The following SGK3 variants were observed in gnomAD, a reference collection of about 807,000 sequenced individuals.
SGK3 encodes the protein serine/threonine-protein kinase Sgk3.
In SGK3, 47 loss-of-function variants were observed where a neutral mutation model predicts 68.5. The ratio of observed to expected loss-of-function variants is 0.69; its 90% CI spans 0.54 to 0.87. The LOEUF is 0.87. Among genes scored for constraint, SGK3 ranks in the 40% least tolerant of loss-of-function variants. SGK3 has a pLI of 0.00. For missense variants in SGK3, 479 were observed against 575.5 expected, an observed-to-expected ratio of 0.83 and a Z score of 1.72; for synonymous variants, 181 against 189.1, an observed-to-expected ratio of 0.96 and a Z score of 0.35.
intron 14 of SGK3, among the ~76,000 whole-genome samples, chr8:66,844,654 G>A (rs916879542): frequency 2.6e-5 from 4 of 152,182 alleles, no homozygotes; most frequent in African/African-American, 4.8e-5. Flanking sequence ...GGAACCATGT[G>A]CGAATCCCTG....
intron 4 of SGK3, among the ~76,000 whole-genome samples, chr8:66,812,363 C>T (rs1808412190): frequency 1.3e-5 from 2 of 151,816 alleles, no homozygotes. Flanking sequence ...TCAAGACCAG[C>T]CTGGCTAACA....
At chr8:66,771,706 T>C (rs555676709) in intron 1 of SGK3, among the ~76,000 whole-genome samples, 2 of 152,324 alleles carry the variant, frequency 1.3e-5, no homozygotes, top group African/African-American at 4.8e-5. Context: ...ACCAGTATTT[T>C]AGTATTTAGC....
chr8:66,745,728 T>A (rs1352125961), intron 1 of SGK3, among the ~76,000 whole-genome samples: 2 of 152,180 alleles, frequency 1.3e-5, no homozygotes, highest in Admixed American at 6.5e-5. Flanking sequence ...TTTCTCACAG[T>A]TCTGGAGGCT....
chr8:66,731,218 A>G (rs1439297865), intron 1 of SGK3, among the ~76,000 whole-genome samples: 1 of 152,116 alleles, frequency 6.6e-6, no homozygotes, highest in Non-Finnish European at 1.5e-5. Flanking sequence ...ATCTTGGAGA[A>G]TGTTTCATGT....
At chr8:66,833,244 G>T (rs531141102) in intron 8 of SGK3, among the ~76,000 whole-genome samples, 1 of 152,258 alleles carries the variant, frequency 6.6e-6, no homozygotes, top group African/African-American at 2.4e-5. Flanking sequence ...GACCTCAAGT[G>T]ATCTGCCTGC....
At chr8:66,834,911 G>T (rs942934821) in intron 8 of SGK3, among the ~76,000 whole-genome samples, 12 of 147,676 alleles carry the variant, frequency 8.1e-5, no homozygotes, top group Non-Finnish European at 1.3e-4. Flanking sequence ...CTGCACTCCA[G>T]CCTGGGCGAC....
rs560794837 is a variant in SGK3, at chr8:66,726,801, T to TAAA, written c.-122+13988_-122+13990dup. ...GAATGACAGAGCAAGACCCTGTCTG[T>TAAA]AAAAAAAAAAAAAAAAAAAAAAGAT... On this transcript the variant is annotated intron_variant, in intron 1 of 16. Transcript: ENST00000521198. 1.4e-3 allele frequency among the ~76,000 whole-genome samples: 111 copies of TAAA among 80,958 alleles called. 2 individuals carry two copies. Among genetic ancestry groups the TAAA allele is most frequent in the Middle Eastern group, 0.013 (2 of 158 alleles). 53.1% of individuals were successfully genotyped at this position (80,958 alleles called of 152,430 possible).
intron 1 of SGK3, among the ~76,000 whole-genome samples, chr8:66,714,014 C>T (rs1465840969): frequency 6.6e-6 from 1 of 152,196 alleles, no homozygotes; most frequent in Admixed American, 6.6e-5. Flanking sequence ...AACATGGTCT[C>T]TTTCAACTGC....
chr8:66,793,931 C>G, intron 2 of SGK3, 99 bp downstream of exon 2: 1 of 1,192,632 alleles, frequency 8.4e-7, no homozygotes, highest in Non-Finnish European at 1.2e-6. Context: ...CCTTCCCCAT[C>G]TCCACATACC....
intron 8 of SGK3, among the ~76,000 whole-genome samples, chr8:66,831,790 T>C (rs1318947807): frequency 6.6e-6 from 1 of 152,216 alleles, no homozygotes; most frequent in African/African-American, 2.4e-5. Flanking sequence ...AGAAAAGGCA[T>C]CTACTCAAAT....
At chr8:66,843,602 G>A (rs1809881944) in intron 14 of SGK3, 55 bp downstream of exon 14, 2 of 1,543,714 alleles carry the variant, frequency 1.3e-6, no homozygotes, top group South Asian at 1.1e-5. Flanking sequence ...TTGATTGTCT[G>A]TCTGTCTCTC....
chr8:66,849,831 G>A (rs1040723738), intron 15 of SGK3, among the ~76,000 whole-genome samples: 4 of 151,952 alleles, frequency 2.6e-5, no homozygotes, highest in Non-Finnish European at 5.9e-5. Context: ...CTCCCACTTC[G>A]GACTCCCAAA....
intron 3 of SGK3, among the ~76,000 whole-genome samples, chr8:66,799,280 A>G (rs1807828989): frequency 6.6e-6 from 1 of 152,252 alleles, no homozygotes; most frequent in Non-Finnish European, 1.5e-5. Context: ...CTGTAATTCC[A>G]GCACTTTGAG....
intron 7 of SGK3, among the ~76,000 whole-genome samples, chr8:66,830,941 A>T (rs962140531): frequency 6.6e-6 from 1 of 152,234 alleles, no homozygotes; most frequent in African/African-American, 2.4e-5. Flanking sequence ...AAGCTATTTC[A>T]AGTTCAAAAC....
At chr8:66,777,858 A>T (rs1806774232) in intron 1 of SGK3, 1 of 152,240 alleles carries the variant, frequency 6.6e-6, no homozygotes, top group Non-Finnish European at 1.5e-5. Context: ...TAAGGCTTTA[A>T]TGGTGATGTC....
chr8:66,778,080 A>G (rs1806787256), intron 1 of SGK3: 1 of 152,116 alleles, frequency 6.6e-6, no homozygotes, highest in Non-Finnish European at 1.5e-5. Context: ...GTTCCCTACC[A>G]AATATCTAGG....
chr8:66,843,029 C>CCA (rs1809859608), intron 13 of SGK3, among the ~76,000 whole-genome samples: 1 of 152,098 alleles, frequency 6.6e-6, no homozygotes, highest in Non-Finnish European at 1.5e-5. Context: ...TGTGATTGTG[C>CCA]CACTGCATTC....
intron 1 of SGK3, among the ~76,000 whole-genome samples, chr8:66,765,292 C>T (rs111471015): frequency 0.021 from 3,231 of 152,082 alleles, 74 homozygotes; most frequent in South Asian, 0.045. Context: ...TTTTGATTTG[C>T]GTTTCCCTAA....
At chr8:66,732,046 C>CA in intron 1 of SGK3, among the ~76,000 whole-genome samples, 1 of 151,498 alleles carries the variant, frequency 6.6e-6, no homozygotes, top group Admixed American at 6.6e-5. Context: ...GAGGACATCT[C>CA]AAAAAAAATG....
Sources: allele counts gnomAD v4.1 joint callset (sites outside exome capture counted in the v4.1 genomes callset), GRCh38; gene constraint gnomAD v4.1.1; transcripts MANE v1.5; gene names NCBI Gene and HGNC (gene_info 2026-07-23, HGNC 2026-07-21).